LPAR6: variants seen among roughly 807,000 people sequenced by gnomAD.
LPAR6 encodes the protein G-protein coupled purinergic receptor P2Y5.
Under a neutral mutation model 22.0 loss-of-function variants are expected in LPAR6, and 17 were observed. That is an observed-to-expected ratio of 0.77 (90% CI 0.53 to 1.16). LPAR6 has a LOEUF of 1.16. Ranked by LOEUF, LPAR6 falls within the 50% of genes most tolerant of loss-of-function variation. The pLI is 0.00. For synonymous variants in LPAR6, 136 were observed against 139.8 expected (o/e 0.97, Z 0.19); for missense variants, 384 against 406.9 (o/e 0.94, Z 0.48).
chr13:48,430,054 A>T (rs1296789170), upstream of LPAR6, among the ~76,000 whole-genome samples: 1 of 152,160 alleles, frequency 6.6e-6, no homozygotes, highest in East Asian at 1.9e-4. Context: ...GGGTTATATC[A>T]CCTAGCAGTT....
intron 1 of LPAR6, among the ~76,000 whole-genome samples, chr13:48,432,141 A>AAT (rs1949136514): frequency 6.6e-6 from 1 of 152,150 alleles, no homozygotes; most frequent in African/African-American, 2.4e-5. Flanking sequence ...AGGCCTTGCT[A>AAT]ATAAGGGGAC....
chr13:48,393,176 G>C (rs1661037022), intron 1 of LPAR6, among the ~76,000 whole-genome samples: 1 of 152,172 alleles, frequency 6.6e-6, no homozygotes, highest in South Asian at 2.1e-4. Flanking sequence ...GTTTTGAGTA[G>C]TATCATCACA....
At chr13:48,404,827 A>G (rs914592184) in intron 1 of LPAR6, among the ~76,000 whole-genome samples, 2 of 152,086 alleles carry the variant, frequency 1.3e-5, no homozygotes, top group African/African-American at 4.8e-5. Context: ...ACCCAGCAAA[A>G]AATTCAGAAT....
At chr13:48,431,570 T>A (rs1040822475), upstream of LPAR6, among the ~76,000 whole-genome samples, 1 of 152,202 alleles carries the variant, frequency 6.6e-6, no homozygotes, top group African/African-American at 2.4e-5. Context: ...TACTTTTTTT[T>A]ATTGGTTTTC....
intron 1 of LPAR6, among the ~76,000 whole-genome samples, chr13:48,438,155 T>C (rs1949202463): frequency 6.6e-6 from 1 of 152,236 alleles, no homozygotes; most frequent in Non-Finnish European, 1.5e-5. Flanking sequence ...ATTTCCTTGC[T>C]ATGAAATCTG....
chr13:48,429,820 A>G (rs981860458), upstream of LPAR6, among the ~76,000 whole-genome samples: 3 of 152,200 alleles, frequency 2.0e-5, no homozygotes, highest in African/African-American at 7.2e-5. Context: ...GCAATAACAA[A>G]TAGTACAAAA....
chr13:48,406,305 G>GC (rs1948739176), downstream of LPAR6, among the ~76,000 whole-genome samples: 2 of 152,002 alleles, frequency 1.3e-5, no homozygotes, highest in South Asian at 4.1e-4. Context: ...ATTTCTCCAT[G>GC]ACGGCCACTG....
upstream of LPAR6, among the ~76,000 whole-genome samples, chr13:48,418,002 C>T (rs1948942335): frequency 1.3e-5 from 2 of 152,234 alleles, no homozygotes; most frequent in South Asian, 4.2e-4. Flanking sequence ...CACGACAGGC[C>T]AACATTCCAA....
chr13:48,413,619 T>G (rs905086480), upstream of LPAR6, among the ~76,000 whole-genome samples: 2 of 152,210 alleles, frequency 1.3e-5, no homozygotes, highest in African/African-American at 4.8e-5. Context: ...ATTTAATTGT[T>G]ATCATTATGA....
rs1176606507 is a variant in LPAR6 at position 48,411,667 on chromosome 13, A to G, written c.757T>C (p.Ser253Pro). 6.2e-7 allele frequency: 1 copy of G among 1,611,106 alleles called. No homozygotes were observed. Among genetic ancestry groups the G allele is most frequent in the Non-Finnish European group, 8.5e-7 (1 of 1,177,446 alleles). The stretch of plus-strand genomic sequence containing the variant: ...ACAAATGTTTGTGTTCTCACAAGAG[A>G]ATATAAAATAAGATTGATATTGTAA... ...VPYNINLILY[S>P]LVRTQTFVNC... is the part of the protein sequence containing the mutation. Residue 253 changes from serine (S) to proline (P), a missense_variant, in exon 1 of 1, where the codon TCT becomes CCT. Physicochemically the swap from Ser to Pro is moderately conservative, Grantham distance 74. Transcript: ENST00000620633.
At position 48,412,054 on chromosome 13, in the gene LPAR6, A is replaced by G. The variant is rs1308348768; in HGVS notation, c.370T>C (p.Ser124Pro). 6.2e-7 allele frequency: 1 copy of G among 1,611,484 alleles called. No individual in the cohort carries two copies. Among genetic ancestry groups the G allele is most frequent in the South Asian group, 1.1e-5 (1 of 90,982 alleles). ...RFLAIVYPFK[S>P]KTLRTKRNAK... ...TTTCTTTTGGTTCTTAGAGTCTTTG[A>G]CTTAAATGGGTAGACAATTGCCAGA... The change falls in exon 1 of 1, where the codon TCA (serine) becomes CCA (proline). Residue 124 changes from serine (S) to proline (P), a missense_variant. Physicochemically the swap from Ser to Pro is moderately conservative, Grantham distance 74 (BLOSUM62 -1). Transcript: ENST00000620633.
chr13:48,441,081 T>C (rs1566228419), intron 1 of LPAR6, among the ~76,000 whole-genome samples: 1 of 152,160 alleles, frequency 6.6e-6, no homozygotes, highest in Admixed American at 6.5e-5. Context: ...ATACCATAGA[T>C]TTGGTGGCTT....
intron 1 of LPAR6, among the ~76,000 whole-genome samples, chr13:48,436,441 G>A (rs771467979): frequency 6.6e-6 from 1 of 152,122 alleles, no homozygotes; most frequent in Non-Finnish European, 1.5e-5. Context: ...TCAGAAGTTC[G>A]AGACCAGCCT....
chr13:48,440,098 C>G (rs1949222390), intron 1 of LPAR6, among the ~76,000 whole-genome samples: 2 of 152,052 alleles, frequency 1.3e-5, no homozygotes, highest in Admixed American at 1.3e-4. Context: ...TGTAGATATT[C>G]TCTCTTTTTG....
rs748968374 is a variant in LPAR6 at position 48,411,511 on chromosome 13, T to G, written c.913A>C (p.Lys305Gln). The change falls in exon 1 of 1, where the codon AAA (lysine) becomes CAA (glutamine). Residue 305 changes from lysine to glutamine, a missense_variant. Coordinates refer to ENST00000620633, the MANE Select transcript of LPAR6 (RefSeq NM_001162498.3). ...TCACTTCTCCTGACAGACCAGTTTT[T>G]CATTTTTATTGAATTCTGAATTGTG... ...SDTIQNSIKMKNWSVRRSDFR... is the reference protein window; with the variant it reads ...SDTIQNSIKMQNWSVRRSDFR... 5.0e-6 allele frequency: 8 copies of G among 1,612,812 alleles called. No homozygotes were observed. The Admixed American group carries it at 1.2e-4, about 24-fold the overall frequency.
chr13:48,428,663 A>ACATTTT (rs953312907), upstream of LPAR6, among the ~76,000 whole-genome samples: 1 of 152,270 alleles, frequency 6.6e-6, no homozygotes, highest in African/African-American at 2.4e-5. Flanking sequence ...GAGATTTTAG[A>ACATTTT]CATTTTCATC....
upstream of LPAR6, among the ~76,000 whole-genome samples, chr13:48,430,688 C>T (rs1049630922): frequency 6.6e-6 from 1 of 152,004 alleles, no homozygotes. Context: ...TGCAGTGAGC[C>T]GAGATTGTGC....
intron 1 of LPAR6, among the ~76,000 whole-genome samples, chr13:48,432,411 C>T (rs1333922744): frequency 1.3e-5 from 2 of 150,462 alleles, no homozygotes; most frequent in East Asian, 2.0e-4. Context: ...AATAGGAATG[C>T]ATGTTTTGTT....
intron 1 of LPAR6, among the ~76,000 whole-genome samples, chr13:48,435,019 T>C (rs1186124145): frequency 1.3e-5 from 2 of 152,238 alleles, no homozygotes; most frequent in Non-Finnish European, 2.9e-5. Flanking sequence ...ATAAAGCTGC[T>C]ATGAACATTT....
Sources: gnomAD v4.1 joint callset for allele counts (sites outside exome capture counted in the v4.1 genomes callset) on GRCh38, gnomAD v4.1.1 for gene constraint, MANE v1.5 for transcripts, NCBI Gene and HGNC (gene_info 2026-07-23, HGNC 2026-07-21) for gene names.